SERINC5: variants seen among roughly 807,000 people sequenced by gnomAD.
The protein encoded by SERINC5 is chromosome 5 open reading frame 12.
Under a neutral mutation model 63.1 loss-of-function variants are expected in SERINC5, and 41 were observed. The observed-to-expected ratio is 0.65, with a 90% CI of 0.51 to 0.84. The LOEUF (loss-of-function observed/expected upper bound fraction) is 0.84, where lower values mean the gene tolerates loss of function less well. Ranked by LOEUF, SERINC5 falls within the 40% of genes least tolerant of loss-of-function variation. The pLI, the probability that SERINC5 is intolerant of heterozygous loss-of-function variation, is 0.00. For missense variants in SERINC5, 523 were observed against 573.0 expected (o/e 0.91, Z 0.89); for synonymous variants, 222 against 215.2 (o/e 1.03, Z -0.28).
chr5:80,255,561 C>A (rs1317508955), intron 1 of SERINC5, among the ~76,000 whole-genome samples: 1 of 152,210 alleles, frequency 6.6e-6, no homozygotes, highest in Non-Finnish European at 1.5e-5. Context: ...CGGAGCTCAG[C>A]GCTATTCACC....
At chr5:80,203,681 A>G (rs906835136) in intron 1 of SERINC5, among the ~76,000 whole-genome samples, 1 of 152,210 alleles carries the variant, frequency 6.6e-6, no homozygotes. Context: ...ATATACAAAA[A>G]TTTGGTCTGG....
At chr5:80,136,228 A>C (rs2112267734), downstream of SERINC5, among the ~76,000 whole-genome samples, 1 of 152,212 alleles carries the variant, frequency 6.6e-6, no homozygotes, top group East Asian at 1.9e-4. Context: ...GGCTGCAGTG[A>C]GCTACGATCA....
intron 4 of SERINC5, among the ~76,000 whole-genome samples, chr5:80,175,560 A>G (rs10050980): frequency 0.76 from 115,266 of 152,070 alleles, 44,284 homozygotes; most frequent in African/African-American, 0.89. Flanking sequence ...ATGGGTTCCA[A>G]TTTGTCTATA....
chr5:80,160,980 A>G (rs1489684590), intron 7 of SERINC5, among the ~76,000 whole-genome samples: 1 of 148,554 alleles, frequency 6.7e-6, no homozygotes, highest in African/African-American at 2.5e-5. Context: ...ATATGTATAT[A>G]TGTGTGTATA....
At chr5:80,145,089 T>G (rs1378362957) in intron 11 of SERINC5, among the ~76,000 whole-genome samples, 1 of 151,388 alleles carries the variant, frequency 6.6e-6, no homozygotes, top group East Asian at 1.9e-4. Flanking sequence ...GCCTATAATC[T>G]CAGCACTTTG....
In SERINC5 at chr5:80,141,453, G is replaced by A. The variant is rs996411355; in HGVS notation, c.*2210C>T. The stretch of plus-strand genomic sequence containing the variant: ...GCCTTGTCAGCTGGACCTTGACTGC[G>A]CGTAAGGTCAGTTTCTCAAATCACA... On this transcript the variant is annotated 3_prime_UTR_variant, in exon 12 of 12. Transcript: ENST00000507668. 11 of 981,942 alleles carry A rather than the reference G, an allele frequency of 1.1e-5. No individual in the cohort carries two copies. The highest frequency in any genetic ancestry group is 5.6e-5 in the African/African-American group (3 of 53,870). 60.8% of individuals were successfully genotyped at this position (981,942 alleles called of 1,614,324 possible). A position where few individuals can be genotyped will look rare whatever the true frequency, so the allele number is the denominator to read the frequency against.
intron 1 of SERINC5, among the ~76,000 whole-genome samples, chr5:80,229,341 A>ATTTT (rs59664490): frequency 0.087 from 10,415 of 119,872 alleles, 570 homozygotes; most frequent in Middle Eastern, 0.13. Context: ...TACTTACACA[A>ATTTT]TTTTTTTTTT....
intron 1 of SERINC5, among the ~76,000 whole-genome samples, chr5:80,213,054 G>A (rs1291755846): frequency 1.3e-5 from 2 of 152,026 alleles, no homozygotes; most frequent in Non-Finnish European, 2.9e-5. Context: ...AGACCAGCCT[G>A]GACAACATGG....
intron 5 of SERINC5, among the ~76,000 whole-genome samples, chr5:80,172,464 C>T (rs1747730921): frequency 6.6e-6 from 1 of 152,220 alleles, no homozygotes; most frequent in Admixed American, 6.5e-5. Context: ...TCTCCCAAAC[C>T]TCACAGAAAA....
intron 2 of SERINC5, among the ~76,000 whole-genome samples, chr5:80,184,493 G>A (rs950941414): frequency 1.3e-5 from 2 of 152,138 alleles, no homozygotes; most frequent in Non-Finnish European, 2.9e-5. Context: ...TGCGGCCAGG[G>A]CCCTTTAAGG....
chr5:80,156,631 G>A (rs887349156), intron 8 of SERINC5, among the ~76,000 whole-genome samples: 4 of 152,108 alleles, frequency 2.6e-5, no homozygotes, highest in African/African-American at 9.7e-5. Flanking sequence ...TGTGGTTTAC[G>A]AATTCAATAA....
At chr5:80,146,746 GT>G (rs1326199248) in intron 10 of SERINC5, among the ~76,000 whole-genome samples, 1 of 152,086 alleles carries the variant, frequency 6.6e-6, no homozygotes, top group Non-Finnish European at 1.5e-5. Context: ...ATAAGCCACC[GT>G]GCCTGCCCTG....
At chr5:80,255,875 G>T (rs1218800462) in intron 1 of SERINC5, 21 bp downstream of exon 1, 1 of 1,588,792 alleles carries the variant, frequency 6.3e-7, no homozygotes, top group Non-Finnish European at 8.5e-7. Context: ...CAACCCCCGC[G>T]CTGCGCCCGG....
chr5:80,165,217 C>A (rs897361087), intron 7 of SERINC5, among the ~76,000 whole-genome samples: 3 of 151,946 alleles, frequency 2.0e-5, no homozygotes, highest in Admixed American at 2.0e-4. Flanking sequence ...AAACTTAAAT[C>A]CAGGTTAGGC....
At chr5:80,207,033 C>T (rs1341676205) in intron 1 of SERINC5, among the ~76,000 whole-genome samples, 1 of 152,010 alleles carries the variant, frequency 6.6e-6, no homozygotes, top group Non-Finnish European at 1.5e-5. Context: ...GAGTCTCACT[C>T]AGTCGCCCAG....
chr5:80,124,700 C>T (rs1744677651), intron 11 of SERINC5, among the ~76,000 whole-genome samples: 1 of 152,130 alleles, frequency 6.6e-6, no homozygotes, highest in African/African-American at 2.4e-5. Context: ...TGGCCAAAAA[C>T]ATGACCATGG....
chr5:80,210,495 GA>G (rs1750383103), intron 1 of SERINC5, among the ~76,000 whole-genome samples: 1 of 152,186 alleles, frequency 6.6e-6, no homozygotes, highest in South Asian at 2.1e-4. Flanking sequence ...AATGCTCACA[GA>G]AACATGAGCT....
At chr5:80,184,817 A>G (rs886633839) in intron 2 of SERINC5, among the ~76,000 whole-genome samples, 7 of 152,138 alleles carry the variant, frequency 4.6e-5, no homozygotes, top group Admixed American at 1.3e-4. Context: ...TAAGGGTGTT[A>G]CCTCTTAAGT....
At chr5:80,143,850 T>C in intron 11 of SERINC5, 40 bp from the exon 12 acceptor site, 1 of 1,532,792 alleles carries the variant, frequency 6.5e-7, no homozygotes, top group Non-Finnish European at 8.7e-7. Context: ...AAAGCAGGAA[T>C]ATATTGAGAT....
Sources: allele counts gnomAD v4.1 joint callset (sites outside exome capture counted in the v4.1 genomes callset), GRCh38; gene constraint gnomAD v4.1.1; transcripts MANE v1.5; gene names NCBI Gene and HGNC (gene_info 2026-07-23, HGNC 2026-07-21).